PCDHA4: variants seen among roughly 807,000 people sequenced by gnomAD.
The protein encoded by PCDHA4 is protocadherin alpha 4.
A neutral mutation model predicts 61.4 loss-of-function variants in PCDHA4; 49 were observed. That is an observed-to-expected ratio of 0.80 (90% CI 0.63 to 1.01). PCDHA4 has a LOEUF of 1.01. PCDHA4 is among the 50% of genes least tolerant of loss of function. The pLI, the probability that PCDHA4 is intolerant of heterozygous loss-of-function variation, is 0.00. For missense variants in PCDHA4, 1,254 were observed against 1,235.8 expected (o/e 1.01, Z -0.22); for synonymous variants, 590 against 550.3 (o/e 1.07, Z -1.01).
chr5:140,935,257 C>A (rs1200153130), intron 1 of PCDHA4, among the ~76,000 whole-genome samples: 10 of 152,150 alleles, frequency 6.6e-5, no homozygotes, highest in South Asian at 4.1e-4. Context: ...AAATACATCA[C>A]ATGTTTATAC....
At chr5:140,861,746 A>G (rs1163368847) in intron 1 of PCDHA4, 1 of 145,142 alleles carries the variant, frequency 6.9e-6, no homozygotes, top group African/African-American at 2.8e-5. Context: ...ACTGTGCCGC[A>G]ATGATTATTT....
intron 3 of PCDHA4, among the ~76,000 whole-genome samples, chr5:141,000,395 CTATATA>C (rs1190667031): frequency 5.7e-4 from 31 of 53,962 alleles, no homozygotes; most frequent in Admixed American, 2.5e-3. Flanking sequence ...CTCTCTCTCT[CTATATA>C]TATATATATA....
chr5:140,856,403 G>C, intron 1 of PCDHA4: 1 of 1,598,562 alleles, frequency 6.3e-7, no homozygotes, highest in South Asian at 1.1e-5. Flanking sequence ...TTTCCATGTG[G>C]ACGTGGAAGT....
At chr5:140,861,768 T>TACAA (rs2047071882) in intron 1 of PCDHA4, 1 of 158,832 alleles carries the variant, frequency 6.3e-6, no homozygotes, top group Non-Finnish European at 1.4e-5. Flanking sequence ...TCCCTGGAAA[T>TACAA]ACCAAGAGCA....
intron 1 of PCDHA4, among the ~76,000 whole-genome samples, chr5:140,911,380 T>C (rs1365945638): frequency 4.6e-5 from 7 of 152,212 alleles, no homozygotes; most frequent in African/African-American, 1.7e-4. Flanking sequence ...AGGCTGTGCA[T>C]GCACCTTTCA....
chr5:140,853,422 G>A, intron 1 of PCDHA4: 8 of 986,108 alleles, frequency 8.1e-6, no homozygotes, highest in Non-Finnish European at 9.8e-6. Flanking sequence ...GAAAGCAGAA[G>A]AGACACTTTC....
intron 3 of PCDHA4, among the ~76,000 whole-genome samples, chr5:140,998,895 A>G (rs545479952): frequency 1.3e-4 from 20 of 152,354 alleles, no homozygotes; most frequent in Non-Finnish European, 1.8e-4. Flanking sequence ...ATAAATAACA[A>G]TGCCTCCGGG....
At chr5:140,913,181 T>C (rs2076246657) in intron 1 of PCDHA4, among the ~76,000 whole-genome samples, 1 of 152,208 alleles carries the variant, frequency 6.6e-6, no homozygotes, top group Admixed American at 6.5e-5. Flanking sequence ...TCTTTAAATG[T>C]TTGGTAGAAT....
intron 1 of PCDHA4, chr5:140,843,152 CT>C (rs2150353947): frequency 6.3e-6 from 10 of 1,596,024 alleles, no homozygotes; most frequent in Non-Finnish European, 6.9e-6. Flanking sequence ...TTCGTATGAG[CT>C]GCAGCCAGCT....
intron 1 of PCDHA4, chr5:140,835,685 T>G (rs2150241896): frequency 8.7e-6 from 14 of 1,613,884 alleles, no homozygotes; most frequent in Non-Finnish European, 1.2e-5. Flanking sequence ...GCTCGCCTTC[T>G]CTGTGGGCCA....
chr5:140,895,968 G>T lies in PCDHA4; in HGVS notation c.2386-82981G>T, dbSNP rs190056652. 4.1e-3 allele frequency among the ~76,000 whole-genome samples: 628 copies of T among 152,052 alleles called. 2 individuals are homozygous for T. Among genetic ancestry groups the T allele is most frequent in the Middle Eastern group, 6.8e-3 (2 of 294 alleles). On this transcript the variant is annotated intron_variant, in intron 1 of 3. Coordinates refer to ENST00000530339, the MANE Select transcript of PCDHA4 (RefSeq NM_018907.4). ...TGGGATTACAGGTGCCTGTCACCAG[G>T]CCTAGCTAATTTTTGTATTTTAAGT... is the stretch of plus-strand genomic sequence containing the variant.
At chr5:140,905,135 T>G (rs2071619691) in intron 1 of PCDHA4, among the ~76,000 whole-genome samples, 1 of 152,208 alleles carries the variant, frequency 6.6e-6, no homozygotes, top group Admixed American at 6.5e-5. Context: ...GAAGAGTTTT[T>G]CTGCTGTTAT....
At chr5:140,887,072 C>T (rs1270434147) in intron 1 of PCDHA4, among the ~76,000 whole-genome samples, 1 of 151,836 alleles carries the variant, frequency 6.6e-6, no homozygotes, top group African/African-American at 2.4e-5. Context: ...CAAATTCACT[C>T]AGCTTTTGTC....
chr5:140,966,454 C>A (rs897696652), intron 1 of PCDHA4: 2 of 426,524 alleles, frequency 4.7e-6, no homozygotes, highest in Non-Finnish European at 8.1e-6. Flanking sequence ...TCCCCCTCCC[C>A]CTCTGTCTTC....
At chr5:140,988,805 C>T (rs782160959) in intron 3 of PCDHA4, 8 of 152,232 alleles carry the variant, frequency 5.3e-5, no homozygotes, top group African/African-American at 1.4e-4. Context: ...GAATTTCTTC[C>T]GTAACAGTAG....
In PCDHA4 at chr5:140,886,699, G is replaced by A. The variant is rs540537249; in HGVS notation, c.2385+77127G>A. Among the ~76,000 whole-genome samples the A allele has an allele frequency of 7.8e-4, 119 of 151,966 alleles. 1 individual carries two copies. In the East Asian group the frequency reaches 0.01, roughly 13 times the overall value. ...AAATTAGCGAGGCATGGTGGCACGC[G>A]CCTGTAATCCCAGCTACTTGGGAGG... On this transcript the variant is annotated intron_variant, in intron 1 of 3. Transcript: ENST00000530339.
rs1554262420 is a variant in PCDHA4, at chr5:141,009,791, C to G, written c.2698C>G (p.Pro900Ala). ...TGCAATCATCTCCATCCGGCAGGAG[C>G]CTACTAACAGCCAAATTGACAAAAG... ...SPAIISIRQE[P>A]TNSQIDKSDF... The change falls in exon 4 of 4, where the codon CCT becomes GCT. Residue 900 changes from proline (P) to alanine (A), a missense_variant. Pro to Ala is a conservative substitution (Grantham distance 27). Transcript: ENST00000530339. 1 of 1,614,084 alleles carries G rather than the reference C, an allele frequency of 6.2e-7. No individual in the cohort carries two copies. Among genetic ancestry groups the G allele is most frequent in the Admixed American group, 1.7e-5 (1 of 60,016 alleles).
intron 1 of PCDHA4, among the ~76,000 whole-genome samples, chr5:140,941,599 G>A (rs1017713166): frequency 3.3e-5 from 5 of 152,116 alleles, no homozygotes; most frequent in African/African-American, 1.2e-4. Flanking sequence ...ACAGCCATGA[G>A]CCATGGTGCC....
At chr5:140,928,137 C>T (rs537220203) in intron 1 of PCDHA4, 14 of 1,614,066 alleles carry the variant, frequency 8.7e-6, no homozygotes, top group Admixed American at 1.7e-5. Flanking sequence ...AAGTCCTGAT[C>T]ACGGCCTCAG....
Sources: allele counts gnomAD v4.1 joint callset (sites outside exome capture counted in the v4.1 genomes callset), GRCh38; gene constraint gnomAD v4.1.1; transcripts MANE v1.5; gene names NCBI Gene and HGNC (gene_info 2026-07-23, HGNC 2026-07-21).